The following EYA1 variants were observed in gnomAD, a reference collection of about 807,000 sequenced individuals.
EYA1 encodes the protein EYA transcriptional coactivator and phosphatase 1.
A neutral mutation model predicts 82.0 loss-of-function variants in EYA1; 16 were observed. That is an observed-to-expected ratio of 0.20 (90% CI 0.13 to 0.30). The LOEUF (loss-of-function observed/expected upper bound fraction) is 0.30. Ranked by LOEUF, EYA1 falls within the 10% of genes least tolerant of loss-of-function variation. EYA1 has a pLI of 1.00. For missense variants in EYA1, 633 were observed against 730.7 expected, an observed-to-expected ratio of 0.87 and a Z score of 1.54; for synonymous variants, 261 against 264.4, an observed-to-expected ratio of 0.99 and a Z score of 0.12.
chr8:71,266,653 A>T (rs908256704), intron 11 of EYA1, among the ~76,000 whole-genome samples: 17 of 151,990 alleles, frequency 1.1e-4, no homozygotes, highest in African/African-American at 3.6e-4. Context: ...AGAGACTCCA[A>T]GGAGCCTCTA....
At position 71,198,979 on chromosome 8, in the gene EYA1, G is replaced by A. The variant is rs1334450248; in HGVS notation, c.*361C>T. ...CATTTCAGTCTCTGTTGTGCAATTA[G>A]GTTTGCTGTATTGGAGAAGCTGTTT... On this transcript the variant is annotated 3_prime_UTR_variant, in exon 18 of 18. Coordinates refer to ENST00000340726, the MANE Select transcript of EYA1 (RefSeq NM_000503.6). 6 of 311,092 alleles carry A rather than the reference G, an allele frequency of 1.9e-5. No individual in the cohort carries two copies. The highest frequency in any genetic ancestry group is 3.8e-5 in the Non-Finnish European group (6 of 159,084). The allele number at this position is 311,092 out of a possible 1,614,324, so 19.3% of individuals were successfully genotyped here. A position where few individuals can be genotyped will look rare whatever the true frequency, so the allele number is the denominator to read the frequency against.
chr8:71,329,278 C>T (rs1343652177), intron 4 of EYA1, among the ~76,000 whole-genome samples: 11 of 152,160 alleles, frequency 7.2e-5, no homozygotes, highest in African/African-American at 9.7e-5. Context: ...TCTTTCTACC[C>T]GTCTTGAATA....
rs1190020788 is a variant in EYA1 at position 71,406,867 on chromosome 8, C to T, written c.34-50356G>A. Among the ~76,000 whole-genome samples the T allele has an allele frequency of 3.5e-5, 5 of 144,624 alleles. No homozygotes were observed. In the East Asian group the frequency reaches 8.1e-4, roughly 23 times the overall value. 94.9% of individuals were successfully genotyped at this position (144,624 alleles called of 152,430 possible). A position where few individuals can be genotyped will look rare whatever the true frequency, so the allele number is the denominator to read the frequency against. On this transcript the variant is annotated intron_variant, in intron 2 of 18. Coordinates refer to the EYA1 transcript ENST00000643681. ...CCGGGAAGCTCGAACTGGGTGGAGCCCACCACAGCTCAAGGAGGCCTGCCT... is the reference window on the plus strand; with the variant it reads ...CCGGGAAGCTCGAACTGGGTGGAGCTCACCACAGCTCAAGGAGGCCTGCCT...
intron 2 of EYA1, among the ~76,000 whole-genome samples, chr8:71,391,005 G>A (rs77981720): frequency 4.0e-5 from 6 of 151,520 alleles, no homozygotes; most frequent in African/African-American, 1.2e-4. Context: ...ACAGGGTCTC[G>A]CTCTGTCATC....
chr8:71,397,977 T>C (rs1046617750), intron 2 of EYA1, among the ~76,000 whole-genome samples: 7 of 152,202 alleles, frequency 4.6e-5, no homozygotes, highest in Non-Finnish European at 8.8e-5. Flanking sequence ...TCTTGGAGGC[T>C]TTGTTCATTT....
At chr8:71,205,336 A>AT (rs1354426234) in intron 17 of EYA1, among the ~76,000 whole-genome samples, 1,961 of 148,356 alleles carry the variant, frequency 0.013, 47 homozygotes, top group African/African-American at 0.045. Flanking sequence ...TATTTCCTAC[A>AT]TTTTTTTTTT....
intron 12 of EYA1, among the ~76,000 whole-genome samples, chr8:71,236,428 G>A (rs1811842506): frequency 6.6e-6 from 1 of 152,148 alleles, no homozygotes; most frequent in South Asian, 2.1e-4. Flanking sequence ...TTTAAAACTT[G>A]AAATCGACCA....
intron 2 of EYA1, among the ~76,000 whole-genome samples, chr8:71,446,869 C>T (rs1806925481): frequency 6.6e-6 from 1 of 152,068 alleles, no homozygotes; most frequent in South Asian, 2.1e-4. Flanking sequence ...TAAAATATTT[C>T]ACATTATAAT....
At chr8:71,440,330 A>C (rs1331372815) in intron 2 of EYA1, among the ~76,000 whole-genome samples, 1 of 152,226 alleles carries the variant, frequency 6.6e-6, no homozygotes, top group Non-Finnish European at 1.5e-5. Flanking sequence ...TGCTTTAGAA[A>C]GATCATTCTG....
intron 11 of EYA1, among the ~76,000 whole-genome samples, chr8:71,264,919 G>A (rs1001575846): frequency 2.0e-5 from 3 of 152,192 alleles, no homozygotes; most frequent in African/African-American, 7.2e-5. Flanking sequence ...AAACAATTCC[G>A]CAAGTCACGT....
intron 7 of EYA1, among the ~76,000 whole-genome samples, chr8:71,304,855 T>C (rs1820556086): frequency 7.0e-6 from 1 of 142,188 alleles, no homozygotes; most frequent in African/African-American, 2.5e-5. Flanking sequence ...CACTACCAGA[T>C]GGATTTCACC....
intron 9 of EYA1, among the ~76,000 whole-genome samples, chr8:71,292,349 T>A (rs1301580411): frequency 6.6e-6 from 1 of 152,102 alleles, no homozygotes; most frequent in African/African-American, 2.4e-5. Flanking sequence ...ATCATTGGCT[T>A]TGTAAAAGAT....
At chr8:71,249,551 G>A (rs958076935) in intron 11 of EYA1, among the ~76,000 whole-genome samples, 15 of 151,980 alleles carry the variant, frequency 9.9e-5, no homozygotes, top group Non-Finnish European at 1.2e-4. Context: ...ATCTCCCACT[G>A]GGTCCCTCCC....
At chr8:71,210,031 A>G (rs1382233671) in intron 17 of EYA1, among the ~76,000 whole-genome samples, 1 of 152,190 alleles carries the variant, frequency 6.6e-6, no homozygotes, top group Non-Finnish European at 1.5e-5. Context: ...TCTTTACTAT[A>G]TCTAATCCTC....
intron 7 of EYA1, among the ~76,000 whole-genome samples, chr8:71,304,366 C>A: frequency 7.0e-6 from 1 of 142,864 alleles, no homozygotes; most frequent in East Asian, 2.1e-4. Flanking sequence ...CCAGAACTGA[C>A]GCTCTTAATC....
chr8:71,324,191 TAACA>T (rs1462391603), intron 4 of EYA1, among the ~76,000 whole-genome samples: 1 of 152,178 alleles, frequency 6.6e-6, no homozygotes, highest in African/African-American at 2.4e-5. Context: ...TCTTTCTTTT[TAACA>T]AACAACAGAA....
chr8:71,353,934 T>C (rs920872985), intron 3 of EYA1, among the ~76,000 whole-genome samples: 1 of 152,122 alleles, frequency 6.6e-6, no homozygotes, highest in Non-Finnish European at 1.5e-5. Context: ...TATTAATCTA[T>C]GAAGAAATAA....
intron 2 of EYA1, 137 bp downstream of exon 2, chr8:71,356,325 A>C: frequency 1.4e-6 from 1 of 693,064 alleles, no homozygotes; most frequent in Non-Finnish European, 2.4e-6. Context: ...TTACAAGCAC[A>C]CACACACAAA....
At chr8:71,355,804 A>T (rs889288124) in intron 2 of EYA1, among the ~76,000 whole-genome samples, 1 of 152,240 alleles carries the variant, frequency 6.6e-6, no homozygotes, top group Non-Finnish European at 1.5e-5. Context: ...GCCACTACTC[A>T]TGTTCACAAT....
Sources: allele counts gnomAD v4.1 joint callset (sites outside exome capture counted in the v4.1 genomes callset), GRCh38; gene constraint gnomAD v4.1.1; transcripts MANE v1.5; gene names NCBI Gene and HGNC (gene_info 2026-07-23, HGNC 2026-07-21).